ARHGAP39: variants seen among roughly 807,000 people sequenced by gnomAD.
ARHGAP39 encodes the protein Rho GTPase activating protein 39, also known as rho GTPase-activating protein 39.
ARHGAP39 carries 44 observed loss-of-function variants against 106.9 expected under a neutral mutation model. The ratio of observed to expected loss-of-function variants is 0.41; its 90% CI spans 0.32 to 0.53. The LOEUF (loss-of-function observed/expected upper bound fraction) is 0.53, where lower values mean the gene tolerates loss of function less well. Among genes scored for constraint, ARHGAP39 ranks in the 20% least tolerant of loss-of-function variants. The probability of loss-of-function intolerance (pLI) is 0.21; values close to 1 mark genes in which losing one functional copy is unlikely to be tolerated. For missense variants in ARHGAP39, 1,496 were observed against 1,577.3 expected (o/e 0.95, Z 0.87); for synonymous variants, 768 against 693.2 (o/e 1.11, Z -1.69).
In ARHGAP39 at chr8:144,643,946, C is replaced by A. The variant is rs572288524; in HGVS notation, c.-81-38251G>T. On this transcript the variant is annotated intron_variant, in intron 1 of 11. Coordinates refer to ENST00000377307, the MANE Select transcript of ARHGAP39 (RefSeq NM_025251.3). Reference sequence around the variant, plus strand: ...AAAGGGAGAAAAAAAATAAGTCACACAAAAGTGTTGGCAAGAATGTGGAGA... The same window carrying A: ...AAAGGGAGAAAAAAAATAAGTCACAAAAAAGTGTTGGCAAGAATGTGGAGA... 7.1e-4 allele frequency among the ~76,000 whole-genome samples: 108 copies of A among 152,252 alleles called. 1 individual carries two copies. The highest frequency in any genetic ancestry group is 2.1e-3 in the East Asian group (11 of 5,188).
intron 3 of ARHGAP39, among the ~76,000 whole-genome samples, chr8:144,566,546 C>A (rs1385639634): frequency 6.6e-6 from 1 of 152,064 alleles, no homozygotes; most frequent in Non-Finnish European, 1.5e-5. Flanking sequence ...AAGAGCCAGA[C>A]CCTGCCTCAA....
chr8:144,664,862 T>C (rs1821922326), intron 1 of ARHGAP39, among the ~76,000 whole-genome samples: 1 of 152,182 alleles, frequency 6.6e-6, no homozygotes, highest in Non-Finnish European at 1.5e-5. Context: ...AATGGACTAA[T>C]ACAGTAAATT....
chr8:144,530,306 T>C lies in ARHGAP39; in HGVS notation c.*116A>G. 1 of 1,151,086 alleles carries C rather than the reference T, an allele frequency of 8.7e-7. No individual in the cohort carries two copies. The highest frequency in any genetic ancestry group is 1.2e-6 in the Non-Finnish European group (1 of 826,620). 71.3% of individuals were successfully genotyped at this position (1,151,086 alleles called of 1,614,324 possible). A position where few individuals can be genotyped will look rare whatever the true frequency, so the allele number is the denominator to read the frequency against. On this transcript the variant is annotated 3_prime_UTR_variant, in exon 12 of 12. Transcript: ENST00000377307. ...CGCCGGGGCCAGGGGCCTGGGGGAG[T>C]GGAGGGGGCTCCAGGGCTGGGCCGG...
Position 144,597,702 on chromosome 8 carries a change from G to A in ARHGAP39, c.80+7833C>T, listed in dbSNP as rs540383320. On this transcript the variant is annotated intron_variant, in intron 2 of 11. Coordinates refer to ENST00000377307, the MANE Select transcript of ARHGAP39 (RefSeq NM_025251.3). ...AGGCAAAACTTTAAGACTTTTAGAAGAAAATACGTGAAGAATTTCAGGAGC... is the reference window on the plus strand; with the variant it reads ...AGGCAAAACTTTAAGACTTTTAGAAAAAAATACGTGAAGAATTTCAGGAGC... 2.6e-5 allele frequency among the ~76,000 whole-genome samples: 4 copies of A among 152,294 alleles called. 1 individual carries two copies. The South Asian group carries it at 8.3e-4, about 32-fold the overall frequency.
chr8:144,672,144 A>T lies in ARHGAP39; in HGVS notation c.-82+13542T>A, dbSNP rs2958502. On this transcript the variant is annotated intron_variant, in intron 1 of 11. Transcript: ENST00000377307. ...AATTCTGAATAGAAAATAAAAGGTC[A>T]ACACAGCCGCAATTAAATAGAAACA... 0.016 allele frequency among the ~76,000 whole-genome samples: 2,462 copies of T among 152,304 alleles called. 205 individuals are homozygous for T. The East Asian group carries it at 0.24, about 15-fold the overall frequency.
Position 144,671,726 on chromosome 8 carries a change from C to T in ARHGAP39, c.-82+13960G>A, listed in dbSNP as rs1387865608. ...TCCCGGCCAGCCACCCTAGGGTTCT[C>T]CCTACGACCCCAGGCACACGGCCAC... On this transcript the variant is annotated intron_variant, in intron 1 of 11. Coordinates refer to ENST00000377307, the MANE Select transcript of ARHGAP39 (RefSeq NM_025251.3). This position sits in a 1 kb window ranked among gnomAD's most constrained non-coding sequence, Gnocchi z 4.5. Among the ~76,000 whole-genome samples, 1 of 152,264 alleles carries T rather than the reference C, an allele frequency of 6.6e-6. No individual in the cohort carries two copies. The highest frequency in any genetic ancestry group is 2.4e-5 in the African/African-American group (1 of 41,472).
At position 144,555,688 on chromosome 8, in the gene ARHGAP39, G is replaced by T. The variant is rs375372850; in HGVS notation, c.513-45C>A. On this transcript the variant is annotated intron_variant, in intron 3 of 11. Coordinates refer to ENST00000377307, the MANE Select transcript of ARHGAP39 (RefSeq NM_025251.3). ...AAGAAATATGAATATAAGTGCAATC[G>T]TTTACCATAACCAGCCACTCCCTGA... The T allele has an allele frequency of 3.9e-6, 6 of 1,541,530 alleles. No homozygotes were observed. The East Asian group carries it at 6.7e-5, about 17-fold the overall frequency.
At chr8:144,694,887 T>C in the ARHGAP39 span, among the ~76,000 whole-genome samples, 1 of 152,122 alleles carries the variant, frequency 6.6e-6, no homozygotes, top group African/African-American at 2.4e-5. Flanking sequence ...GCAGGAGTTA[T>C]TGCAACAGAG....
At chr8:144,663,178 T>G (rs1821878587) in intron 1 of ARHGAP39, among the ~76,000 whole-genome samples, 2 of 148,368 alleles carry the variant, frequency 1.3e-5, no homozygotes, top group African/African-American at 4.9e-5. Flanking sequence ...CCTTCCTCAC[T>G]TGGCCTCTTG....
In ARHGAP39 at chr8:144,604,121, G is replaced by C. The variant is rs1479563621; in HGVS notation, c.80+1414C>G. ...ACTGTGGAAGGTGCACAGAGTCCCA[G>C]AAAGACCAACCACACAGGGAGGCAC... On this transcript the variant is annotated intron_variant, in intron 2 of 11. Transcript: ENST00000377307. The surrounding 1 kb of genome is among the most constrained non-coding windows in gnomAD (Gnocchi z 4.1). 2.6e-5 allele frequency among the ~76,000 whole-genome samples: 4 copies of C among 152,202 alleles called. No homozygotes were observed. The highest frequency in any genetic ancestry group is 5.9e-5 in the Non-Finnish European group (4 of 68,036).
At chr8:144,551,778 G>A (rs561726064) in intron 4 of ARHGAP39, among the ~76,000 whole-genome samples, 1 of 152,294 alleles carries the variant, frequency 6.6e-6, no homozygotes, top group Non-Finnish European at 1.5e-5. Context: ...GGCTGAGCTT[G>A]CCCCGGCCCC....
rs888779309 is a variant in ARHGAP39 at position 144,585,288 on chromosome 8, T to A, written c.81-4011A>T. ...CACCTGTCTCCCTTCCTTCTCTCCA[T>A]GGACATCCCAAATCACCACAGAGAA... On this transcript the variant is annotated intron_variant, in intron 2 of 11. Coordinates refer to ENST00000377307, the MANE Select transcript of ARHGAP39 (RefSeq NM_025251.3). The surrounding 1 kb of genome is among the most constrained non-coding windows in gnomAD (Gnocchi z 4.6). Among the ~76,000 whole-genome samples, 1 of 151,936 alleles carries A rather than the reference T, an allele frequency of 6.6e-6. No homozygotes were observed. The highest frequency in any genetic ancestry group is 1.5e-5 in the Non-Finnish European group (1 of 67,976).
intron 1 of ARHGAP39, among the ~76,000 whole-genome samples, chr8:144,660,203 C>T (rs1224926888): frequency 6.6e-6 from 1 of 152,182 alleles, no homozygotes; most frequent in Non-Finnish European, 1.5e-5. Context: ...ATCCAGGGCA[C>T]CTTGGCGTCA....
At chr8:144,535,094 C>T (rs906625817) in intron 7 of ARHGAP39, among the ~76,000 whole-genome samples, 2 of 152,208 alleles carry the variant, frequency 1.3e-5, no homozygotes, top group Non-Finnish European at 2.9e-5. Flanking sequence ...CCTGCCCCAG[C>T]GCCCAGCGCC....
At chr8:144,602,663 G>T (rs1450232202) in intron 2 of ARHGAP39, among the ~76,000 whole-genome samples, 1 of 127,234 alleles carries the variant, frequency 7.9e-6, no homozygotes, top group African/African-American at 3.0e-5. Context: ...TGTGTGCATG[G>T]AGGCGTGCGT....
chr8:144,637,513 G>A (rs1821201088), intron 1 of ARHGAP39, among the ~76,000 whole-genome samples: 1 of 152,150 alleles, frequency 6.6e-6, no homozygotes, highest in Admixed American at 6.5e-5. Context: ...AGGAGGTTGA[G>A]GCAGGAAAAT....
At chr8:144,651,204 T>C (rs1011648614) in intron 1 of ARHGAP39, among the ~76,000 whole-genome samples, 4 of 151,438 alleles carry the variant, frequency 2.6e-5, no homozygotes, top group Non-Finnish European at 5.9e-5. Context: ...ACCAGGGAGG[T>C]AAAAGATCTC....
In ARHGAP39 at chr8:144,547,395, T is replaced by G; in HGVS notation, c.1691A>C (p.Gln564Pro). The change falls in exon 5 of 12, where the codon CAG (glutamine) becomes CCG (proline). Residue 564 changes from glutamine to proline, a missense_variant. Around this residue, in one of 4 missense-constraint regions of ARHGAP39, gnomAD observed 905 missense variants for 816.4 expected, o/e 1.11. Coordinates refer to ENST00000377307, the MANE Select transcript of ARHGAP39 (RefSeq NM_025251.3). The surrounding 1 kb of genome is among the most constrained non-coding windows in gnomAD (Gnocchi z 5.2). ...CTGCTTCATGTGGAAGTGGGCCTGCTGCGCCTCCCAGGCCAGCCGAGCCTG... is the reference window on the plus strand; with the variant it reads ...CTGCTTCATGTGGAAGTGGGCCTGCGGCGCCTCCCAGGCCAGCCGAGCCTG... ...LAQARLAWEA[Q>P]QAHFHMKQRS... 1.9e-6 allele frequency: 3 copies of G among 1,594,146 alleles called. No individual in the cohort carries two copies. Among genetic ancestry groups the G allele is most frequent in the Non-Finnish European group, 2.5e-6 (3 of 1,176,862 alleles).
At chr8:144,576,807 G>A (rs1210996108) in intron 3 of ARHGAP39, among the ~76,000 whole-genome samples, 4 of 152,122 alleles carry the variant, frequency 2.6e-5, no homozygotes, top group Non-Finnish European at 2.9e-5. Context: ...AAGTCCGCTC[G>A]TCCGCTTGTT....
Sources: gnomAD v4.1 joint callset for allele counts (sites outside exome capture counted in the v4.1 genomes callset) on GRCh38, gnomAD v4.1.1 for gene constraint, gnomAD v4.1.1 regional missense constraint, Gnocchi (gnomAD v3.1) non-coding constraint, MANE v1.5 for transcripts, NCBI Gene and HGNC (gene_info 2026-07-23, HGNC 2026-07-21) for gene names.